The following ZSWIM6 variants were observed in gnomAD, a reference collection of about 807,000 sequenced individuals.
The protein encoded by ZSWIM6 is zinc finger SWIM-type containing 6, also known as zinc finger SWIM domain-containing protein 6.
A neutral mutation model predicts 113.2 loss-of-function variants in ZSWIM6; 9 were observed. The ratio of observed to expected loss-of-function variants is 0.08; its 90% CI spans 0.05 to 0.14. The LOEUF (loss-of-function observed/expected upper bound fraction) is 0.14. Among genes scored for constraint, ZSWIM6 ranks in the 10% least tolerant of loss-of-function variants. The pLI, the probability that ZSWIM6 is intolerant of heterozygous loss-of-function variation, is 1.00. For synonymous variants in ZSWIM6, 611 were observed against 606.5 expected, an observed-to-expected ratio of 1.01 and a Z score of -0.11; for missense variants, 1,162 against 1,552.2, an observed-to-expected ratio of 0.75 and a Z score of 4.22.
At chr5:61,481,335 T>C (rs2112198977) in intron 2 of ZSWIM6, among the ~76,000 whole-genome samples, 1 of 152,208 alleles carries the variant, frequency 6.6e-6, no homozygotes, top group African/African-American at 2.4e-5. Flanking sequence ...AGTAACTGTA[T>C]CCATGGTGTG....
intron 1 of ZSWIM6, among the ~76,000 whole-genome samples, chr5:61,377,877 T>C (rs529612239): frequency 1.3e-5 from 2 of 152,320 alleles, no homozygotes; most frequent in South Asian, 2.1e-4. Flanking sequence ...TGGAGATTCA[T>C]AGAAATGAGA....
intron 1 of ZSWIM6, among the ~76,000 whole-genome samples, chr5:61,340,989 T>C (rs2112026422): frequency 6.6e-6 from 1 of 152,362 alleles, no homozygotes; most frequent in Non-Finnish European, 1.5e-5. Context: ...GTATTACAGC[T>C]GTGTGATTAT....
chr5:61,381,914 C>G lies in ZSWIM6; in HGVS notation c.676+48966C>G, dbSNP rs1745495186. ...TCATGTGGAAGTAGAATGCATATAT[C>G]TTTCTTGATATAACAAATGAATTTG... On this transcript the variant is annotated intron_variant, in intron 1 of 13. Transcript: ENST00000252744. 2.0e-5 allele frequency among the ~76,000 whole-genome samples: 3 copies of G among 152,146 alleles called. No individual in the cohort carries two copies. The South Asian group carries it at 6.2e-4, about 31-fold the overall frequency.
intron 4 of ZSWIM6, among the ~76,000 whole-genome samples, chr5:61,501,076 G>A (rs147551205): frequency 6.6e-6 from 1 of 152,224 alleles, no homozygotes; most frequent in South Asian, 2.1e-4. Context: ...TGCTGAGAAG[G>A]CTTTACTTCC....
At chr5:61,333,447 T>C (rs1744313301) in intron 1 of ZSWIM6, among the ~76,000 whole-genome samples, 1 of 151,330 alleles carries the variant, frequency 6.6e-6, no homozygotes, top group African/African-American at 2.4e-5. Context: ...TTTTTCTTTC[T>C]GGCCCCCGCC....
At chr5:61,519,317 G>T (rs546307690) in intron 4 of ZSWIM6, among the ~76,000 whole-genome samples, 1 of 152,120 alleles carries the variant, frequency 6.6e-6, no homozygotes, top group East Asian at 1.9e-4. Flanking sequence ...CTGGTTTGGG[G>T]GTCCTTTTTC....
intron 1 of ZSWIM6, among the ~76,000 whole-genome samples, chr5:61,353,966 T>C (rs538996964): frequency 2.6e-5 from 4 of 152,226 alleles, no homozygotes; most frequent in Non-Finnish European, 5.9e-5. Flanking sequence ...GCAGATGCTG[T>C]AGACATTCTC....
chr5:61,410,792 A>G (rs1277980486), intron 1 of ZSWIM6, among the ~76,000 whole-genome samples: 1 of 152,220 alleles, frequency 6.6e-6, no homozygotes, highest in Non-Finnish European at 1.5e-5. Flanking sequence ...CAACAGGAAT[A>G]TTTGACAGAT....
At chr5:61,366,332 T>C (rs1745151654) in intron 1 of ZSWIM6, among the ~76,000 whole-genome samples, 1 of 152,254 alleles carries the variant, frequency 6.6e-6, no homozygotes, top group Admixed American at 6.5e-5. Flanking sequence ...TTGGATGGGA[T>C]AGTGGCCGTG....
intron 4 of ZSWIM6, among the ~76,000 whole-genome samples, chr5:61,510,737 G>A (rs1408528220): frequency 2.0e-5 from 3 of 152,136 alleles, no homozygotes; most frequent in Non-Finnish European, 4.4e-5. Context: ...AGCCAGGAAA[G>A]TAATTTAAAA....
intron 3 of ZSWIM6, 147 bp downstream of exon 3, chr5:61,491,081 T>TAC: frequency 1.4e-6 from 1 of 706,822 alleles, no homozygotes; most frequent in Non-Finnish European, 2.0e-6. Flanking sequence ...TGTATTGTAA[T>TAC]GCAAGCTATT....
chr5:61,348,189 C>T (rs531265208), intron 1 of ZSWIM6, among the ~76,000 whole-genome samples: 1 of 152,142 alleles, frequency 6.6e-6, no homozygotes, highest in African/African-American at 2.4e-5. Context: ...CCACTGCCCT[C>T]CAGCCTGGGC....
At chr5:61,413,875 T>C (rs188575813) in intron 1 of ZSWIM6, among the ~76,000 whole-genome samples, 1 of 152,030 alleles carries the variant, frequency 6.6e-6, no homozygotes, top group East Asian at 1.9e-4. Flanking sequence ...GGGTTGTTTG[T>C]TTTTTTCTTG....
intron 5 of ZSWIM6, among the ~76,000 whole-genome samples, chr5:61,521,693 A>G (rs980518306): frequency 1.3e-5 from 2 of 152,170 alleles, no homozygotes; most frequent in Non-Finnish European, 2.9e-5. Flanking sequence ...ATATACTAGT[A>G]TGTGTTAAAA....
At chr5:61,486,146 A>G (rs1457623490) in intron 2 of ZSWIM6, among the ~76,000 whole-genome samples, 2 of 152,088 alleles carry the variant, frequency 1.3e-5, no homozygotes, top group Non-Finnish European at 2.9e-5. Context: ...ATTGTCTATC[A>G]TTCCACACAC....
chr5:61,520,584 G>A (rs1197113809), intron 4 of ZSWIM6, among the ~76,000 whole-genome samples: 2 of 151,972 alleles, frequency 1.3e-5, no homozygotes, highest in Non-Finnish European at 2.9e-5. Flanking sequence ...AAATCATTTA[G>A]GGAAGTATGT....
At chr5:61,449,231 A>G (rs1041399808) in intron 1 of ZSWIM6, among the ~76,000 whole-genome samples, 4 of 152,138 alleles carry the variant, frequency 2.6e-5, no homozygotes, top group Non-Finnish European at 5.9e-5. Context: ...TGGGAAAACC[A>G]TTTATTTTTG....
At chr5:61,526,101 G>C in intron 6 of ZSWIM6, 125 bp downstream of exon 6, 1 of 1,410,170 alleles carries the variant, frequency 7.1e-7, no homozygotes, top group Non-Finnish European at 9.5e-7. Context: ...CTTGGCAATA[G>C]GAGCTGAGAT....
intron 1 of ZSWIM6, among the ~76,000 whole-genome samples, chr5:61,402,782 A>G (rs1476881721): frequency 2.0e-5 from 3 of 152,220 alleles, no homozygotes; most frequent in Non-Finnish European, 2.9e-5. Context: ...CTTTGTCCCT[A>G]TGGGAATATT....
Sources: allele counts gnomAD v4.1 joint callset (sites outside exome capture counted in the v4.1 genomes callset), GRCh38; gene constraint gnomAD v4.1.1; transcripts MANE v1.5; gene names NCBI Gene and HGNC (gene_info 2026-07-23, HGNC 2026-07-21).